CELF4: variants seen among roughly 807,000 people sequenced by gnomAD.
The protein encoded by CELF4 is CUGBP Elav-like family member 4.
CELF4 carries 18 observed loss-of-function variants against 59.9 expected under a neutral mutation model. The observed-to-expected ratio is 0.30, with a 90% confidence interval of 0.21 to 0.45. The LOEUF is 0.45. Ranked by LOEUF, CELF4 falls within the 20% of genes least tolerant of loss-of-function variation. CELF4 has a pLI of 1.00. For synonymous variants in CELF4, 261 were observed against 267.1 expected (o/e 0.98, Z 0.22); for missense variants, 456 against 689.0 (o/e 0.66, Z 3.79).
intron 2 of CELF4, among the ~76,000 whole-genome samples, chr18:37,378,546 C>G (rs1015399972): frequency 6.6e-6 from 1 of 152,118 alleles, no homozygotes; most frequent in Non-Finnish European, 1.5e-5. Flanking sequence ...CTTAGAGCGT[C>G]GAGAGGAAAT....
At chr18:37,466,438 CGCAT>C (rs2099809292) in intron 2 of CELF4, among the ~76,000 whole-genome samples, 1 of 151,944 alleles carries the variant, frequency 6.6e-6, no homozygotes, top group Admixed American at 6.6e-5. Context: ...GGGATGTGGG[CGCAT>C]GAAACCTGGT....
chr18:37,288,918 C>A (rs1038312477), intron 3 of CELF4, among the ~76,000 whole-genome samples: 3 of 152,070 alleles, frequency 2.0e-5, no homozygotes, highest in African/African-American at 7.2e-5. Context: ...TATTTGGTTA[C>A]CGTGAAATTC....
At chr18:37,279,039 C>T (rs1183068238) in intron 3 of CELF4, among the ~76,000 whole-genome samples, 1 of 152,210 alleles carries the variant, frequency 6.6e-6, no homozygotes, top group African/African-American at 2.4e-5. Context: ...CACCCTCCTC[C>T]TCCATCCACA....
At chr18:37,272,421 T>TGGACAATAGCCAA (rs1406141018) in intron 7 of CELF4, among the ~76,000 whole-genome samples, 2 of 152,158 alleles carry the variant, frequency 1.3e-5, no homozygotes, top group African/African-American at 4.8e-5. Flanking sequence ...CTCACTGGAC[T>TGGACAATAGCCAA]GGACAATAGC....
At chr18:37,317,706 G>C (rs2096916679) in intron 3 of CELF4, among the ~76,000 whole-genome samples, 1 of 152,084 alleles carries the variant, frequency 6.6e-6, no homozygotes, top group African/African-American at 2.4e-5. Flanking sequence ...TCACACCAAA[G>C]AAAAAAGAGC....
chr18:37,545,269 C>A (rs1319960135), intron 1 of CELF4, among the ~76,000 whole-genome samples: 1 of 152,158 alleles, frequency 6.6e-6, no homozygotes, highest in Non-Finnish European at 1.5e-5. Context: ...AATGGGTAAC[C>A]ACCAGATCTG....
At chr18:37,548,158 T>A (rs555893967) in intron 1 of CELF4, among the ~76,000 whole-genome samples, 1 of 151,926 alleles carries the variant, frequency 6.6e-6, no homozygotes, top group African/African-American at 2.4e-5. Context: ...GTGTGTGTGT[T>A]TTTTCAGATC....
chr18:37,548,715 G>C (rs1376765425), intron 1 of CELF4, among the ~76,000 whole-genome samples: 2 of 152,192 alleles, frequency 1.3e-5, no homozygotes, highest in African/African-American at 2.4e-5. Context: ...GGTTGAGCAG[G>C]TGTTGCTGCA....
At chr18:37,495,415 T>G (rs2099924067) in intron 1 of CELF4, among the ~76,000 whole-genome samples, 1 of 152,124 alleles carries the variant, frequency 6.6e-6, no homozygotes, top group Non-Finnish European at 1.5e-5. Context: ...GGATTCCTTC[T>G]CCCTCTTGGC....
At chr18:37,334,970 G>C (rs891642007) in intron 2 of CELF4, among the ~76,000 whole-genome samples, 11 of 151,778 alleles carry the variant, frequency 7.2e-5, no homozygotes, top group Non-Finnish European at 1.5e-5. Flanking sequence ...TTGTCTCTGG[G>C]CTTTAGATTT....
intron 3 of CELF4, chr18:37,275,753 C>T (rs1012499952): frequency 6.4e-6 from 1 of 156,188 alleles, no homozygotes; most frequent in Non-Finnish European, 1.4e-5. Context: ...TTCTAGGTCT[C>T]AGTTTGAGTA....
chr18:37,534,383 A>T (rs2099971858), intron 1 of CELF4, among the ~76,000 whole-genome samples: 1 of 152,086 alleles, frequency 6.6e-6, no homozygotes, highest in Non-Finnish European at 1.5e-5. Context: ...GGGCTCTGTC[A>T]CTGGGCAGGC....
At chr18:37,458,766 G>A (rs1057280559) in intron 2 of CELF4, among the ~76,000 whole-genome samples, 2 of 152,130 alleles carry the variant, frequency 1.3e-5, no homozygotes, top group South Asian at 2.1e-4. Flanking sequence ...AAAGTTTCTC[G>A]GGGTTTGCAG....
Position 37,243,162 on chromosome 18 carries a change from GTTTTCT to G in CELF4, c.*2074_*2079del. On this transcript the variant is annotated 3_prime_UTR_variant, in exon 13 of 13. Coordinates refer to ENST00000420428, the MANE Select transcript of CELF4 (RefSeq NM_020180.4). ...AGAGCAGTTGTACTGAACTGCAGCT[GTTTTCT>G]TTTTTTTTTCTTTTTTTCTTTTTTT... 1 of 102,998 alleles carries G rather than the reference GTTTTCT, an allele frequency of 9.7e-6. No homozygotes were observed. The highest frequency in any genetic ancestry group is 2.5e-4 in the East Asian group (1 of 3,956). 6.4% of individuals were successfully genotyped at this position (102,998 alleles called of 1,614,324 possible).
At chr18:37,544,180 A>G (rs2099979728) in intron 1 of CELF4, among the ~76,000 whole-genome samples, 1 of 150,428 alleles carries the variant, frequency 6.6e-6, no homozygotes, top group Non-Finnish European at 1.5e-5. Context: ...CATTTGTTCA[A>G]CAGCTACAAT....
At chr18:37,292,174 G>A (rs1171088193) in intron 3 of CELF4, among the ~76,000 whole-genome samples, 2 of 99,508 alleles carry the variant, frequency 2.0e-5, no homozygotes, top group East Asian at 2.7e-4. Context: ...GTGAGAAATC[G>A]ATTTATTGTT....
intron 2 of CELF4, among the ~76,000 whole-genome samples, chr18:37,371,195 G>C (rs994239618): frequency 6.6e-6 from 1 of 152,108 alleles, no homozygotes; most frequent in African/African-American, 2.4e-5. Flanking sequence ...GCCATCTAAG[G>C]GATGCACCAT....
intron 2 of CELF4, among the ~76,000 whole-genome samples, chr18:37,454,788 C>T (rs997352273): frequency 1.8e-4 from 27 of 152,160 alleles, no homozygotes; most frequent in Admixed American, 3.3e-4. Context: ...CATGATTAAC[C>T]TTGGGAATTA....
At chr18:37,444,652 A>ACACACACACACGCGCG (rs71168259) in intron 2 of CELF4, among the ~76,000 whole-genome samples, 1 of 144,082 alleles carries the variant, frequency 6.9e-6, no homozygotes, top group African/African-American at 2.6e-5. Flanking sequence ...ACACACACAC[A>ACACACACACACGCGCG]CGCGAACGAT....
Sources: gnomAD v4.1 joint callset for allele counts (sites outside exome capture counted in the v4.1 genomes callset) on GRCh38, gnomAD v4.1.1 for gene constraint, MANE v1.5 for transcripts, NCBI Gene and HGNC (gene_info 2026-07-23, HGNC 2026-07-21) for gene names.